SPATA16: variants seen among roughly 807,000 people sequenced by gnomAD.
The protein encoded by SPATA16 is spermatogenesis-associated protein 16.
A neutral mutation model predicts 63.3 loss-of-function variants in SPATA16; 36 were observed. The ratio of observed to expected loss-of-function variants is 0.57; its 90% CI spans 0.44 to 0.75. SPATA16 has a LOEUF of 0.75. Ranked by LOEUF, SPATA16 falls within the 30% of genes least tolerant of loss-of-function variation. SPATA16 has a pLI of 0.00. For synonymous variants in SPATA16, 203 were observed against 216.7 expected (o/e 0.94, Z 0.56); for missense variants, 646 against 679.3 (o/e 0.95, Z 0.54).
intron 4 of SPATA16, among the ~76,000 whole-genome samples, chr3:173,009,703 G>A (rs1735020433): frequency 6.6e-6 from 1 of 152,278 alleles, no homozygotes; most frequent in African/African-American, 2.4e-5. Context: ...GGCCTCCAGT[G>A]TGCACACCTG....
intron 6 of SPATA16, among the ~76,000 whole-genome samples, chr3:172,936,507 T>C (rs1732997303): frequency 6.6e-6 from 1 of 152,190 alleles, no homozygotes; most frequent in Non-Finnish European, 1.5e-5. Flanking sequence ...ATCCTTTACT[T>C]GCTGTTACTG....
chr3:172,942,894 A>G (rs975538044), intron 6 of SPATA16, among the ~76,000 whole-genome samples: 5 of 150,386 alleles, frequency 3.3e-5, no homozygotes, highest in Admixed American at 1.3e-4. Flanking sequence ...AAACGTTTCT[A>G]TACATTCAGA....
At chr3:172,964,196 C>T (rs1389127616) in intron 5 of SPATA16, among the ~76,000 whole-genome samples, 1 of 152,140 alleles carries the variant, frequency 6.6e-6, no homozygotes, top group Non-Finnish European at 1.5e-5. Context: ...AGCTGGCATG[C>T]CAGTGTTGAA....
chr3:173,030,035 T>C (rs1038526289), intron 3 of SPATA16, among the ~76,000 whole-genome samples: 3 of 151,536 alleles, frequency 2.0e-5, no homozygotes, highest in Non-Finnish European at 4.4e-5. Flanking sequence ...ATGCCTAATA[T>C]TGAAGACAGA....
At chr3:172,936,214 G>A (rs1480752967) in intron 6 of SPATA16, among the ~76,000 whole-genome samples, 1 of 152,116 alleles carries the variant, frequency 6.6e-6, no homozygotes, top group Non-Finnish European at 1.5e-5. Flanking sequence ...TTCAGGATGG[G>A]GCTGGTCACT....
At chr3:173,093,341 ACT>A (rs1430172640) in intron 2 of SPATA16, among the ~76,000 whole-genome samples, 2 of 151,912 alleles carry the variant, frequency 1.3e-5, no homozygotes, top group Non-Finnish European at 2.9e-5. Flanking sequence ...ACAGCTCTAG[ACT>A]CTGTCAGATG....
At chr3:173,089,371 A>G (rs1737164639) in intron 2 of SPATA16, among the ~76,000 whole-genome samples, 1 of 152,222 alleles carries the variant, frequency 6.6e-6, no homozygotes, top group Admixed American at 6.5e-5. Flanking sequence ...GCTTCACTAT[A>G]CAAATGTTCT....
intron 4 of SPATA16, among the ~76,000 whole-genome samples, chr3:172,986,677 G>T (rs578094786): frequency 6.6e-6 from 1 of 152,180 alleles, no homozygotes. Context: ...TTGAGCAGGG[G>T]GGGGAATGCA....
chr3:173,087,030 G>C (rs1638868676), intron 2 of SPATA16, among the ~76,000 whole-genome samples: 1 of 152,154 alleles, frequency 6.6e-6, no homozygotes, highest in Non-Finnish European at 1.5e-5. Flanking sequence ...GATTTCTGTA[G>C]CTATCTGCCA....
intron 4 of SPATA16, among the ~76,000 whole-genome samples, chr3:172,985,016 C>T (rs565846329): frequency 3.3e-5 from 5 of 152,242 alleles, no homozygotes; most frequent in Admixed American, 1.3e-4. Context: ...ATATATGGGA[C>T]GCCTGAGGCT....
chr3:173,035,775 A>C (rs1175008734), intron 3 of SPATA16, among the ~76,000 whole-genome samples: 6 of 151,962 alleles, frequency 3.9e-5, no homozygotes, highest in Non-Finnish European at 5.9e-5. Context: ...GGGGCTCATG[A>C]GGTAAATTTT....
intron 4 of SPATA16, among the ~76,000 whole-genome samples, chr3:173,000,812 A>G (rs1734804135): frequency 6.6e-6 from 1 of 151,636 alleles, no homozygotes; most frequent in African/African-American, 2.4e-5. Context: ...ATGTCAGTCT[A>G]CTGATGAGCT....
chr3:173,121,861 T>G (rs1261426635), intron 1 of SPATA16, among the ~76,000 whole-genome samples: 3 of 152,202 alleles, frequency 2.0e-5, no homozygotes, highest in Admixed American at 6.5e-5. Flanking sequence ...TCTTCTTTGA[T>G]AGTTCAAGTG....
chr3:172,939,398 G>T (rs1733092105), intron 6 of SPATA16, among the ~76,000 whole-genome samples: 2 of 152,104 alleles, frequency 1.3e-5, no homozygotes, highest in South Asian at 4.1e-4. Flanking sequence ...GAGAAACCTG[G>T]TCTGTAGTCA....
At chr3:173,088,007 CGTCTTTCT>C (rs1338580489) in intron 2 of SPATA16, among the ~76,000 whole-genome samples, 4,137 of 118,272 alleles carry the variant, frequency 0.035, 225 homozygotes, top group African/African-American at 0.066. Context: ...ATTTTCTTTC[CGTCTTTCT>C]TTCTTTCTTT....
chr3:173,050,805 A>T (rs1275491259), intron 2 of SPATA16, among the ~76,000 whole-genome samples: 1 of 152,234 alleles, frequency 6.6e-6, no homozygotes, highest in Non-Finnish European at 1.5e-5. Flanking sequence ...TGTGGAAGAT[A>T]CACTGGAAAT....
chr3:173,094,533 G>A (rs1577171425), intron 2 of SPATA16, among the ~76,000 whole-genome samples: 1 of 152,088 alleles, frequency 6.6e-6, no homozygotes, highest in East Asian at 1.9e-4. Context: ...TTAGAATCAG[G>A]GCAGGTCTAG....
intron 6 of SPATA16, among the ~76,000 whole-genome samples, chr3:172,953,531 G>A (rs910362614): frequency 2.0e-5 from 3 of 152,170 alleles, no homozygotes; most frequent in Non-Finnish European, 4.4e-5. Flanking sequence ...GGTGGTTGGA[G>A]TACATACGAA....
At chr3:173,043,846 T>C (rs1034807181) in intron 3 of SPATA16, among the ~76,000 whole-genome samples, 1 of 147,752 alleles carries the variant, frequency 6.8e-6, no homozygotes, top group African/African-American at 2.7e-5. Context: ...TTTATTTATA[T>C]GAAAATATTT....
Sources: gnomAD v4.1 joint callset for allele counts (sites outside exome capture counted in the v4.1 genomes callset) on GRCh38, gnomAD v4.1.1 for gene constraint, MANE v1.5 for transcripts, NCBI Gene and HGNC (gene_info 2026-07-23, HGNC 2026-07-21) for gene names.